The following TRAPPC12 variants were observed in gnomAD, a reference collection of about 807,000 sequenced individuals.
TRAPPC12 encodes the protein trafficking protein particle complex subunit 12.
In TRAPPC12, 61 loss-of-function variants were observed where a neutral mutation model predicts 69.2. That is an observed-to-expected ratio of 0.88 (90% CI 0.72 to 1.09). The LOEUF is 1.09. Ranked by LOEUF, TRAPPC12 falls within the 50% of genes least tolerant of loss-of-function variation. The pLI, the probability that TRAPPC12 is intolerant of heterozygous loss-of-function variation, is 0.00. For missense variants in TRAPPC12, 1,101 were observed against 1,016.4 expected (o/e 1.08, Z -1.13); for synonymous variants, 469 against 438.9 (o/e 1.07, Z -0.86).
intron 8 of TRAPPC12, among the ~76,000 whole-genome samples, chr2:3,464,654 C>T (rs976162620): frequency 3.4e-4 from 52 of 152,218 alleles, no homozygotes; most frequent in African/African-American, 3.1e-4. Context: ...TCAATAAATG[C>T]GGCGATCACT....
chr2:3,458,516 G>C (rs1249331774), intron 7 of TRAPPC12: 1 of 916,596 alleles, frequency 1.1e-6, no homozygotes, highest in East Asian at 1.2e-4. Flanking sequence ...CGTGTGTGAG[G>C]TGTGTATGTG....
chr2:3,432,824 C>G (rs987143237), intron 5 of TRAPPC12, among the ~76,000 whole-genome samples: 1 of 152,206 alleles, frequency 6.6e-6, no homozygotes, highest in Admixed American at 6.5e-5. Flanking sequence ...GAGACCTCTC[C>G]TTATCCTGTC....
chr2:3,457,895 A>G, intron 7 of TRAPPC12: 2 of 1,423,198 alleles, frequency 1.4e-6, no homozygotes, highest in Non-Finnish European at 1.8e-6. Flanking sequence ...GTGCAGCCTC[A>G]GACCCGAACC....
At position 3,461,221 on chromosome 2, in the gene TRAPPC12, G is replaced by A. The variant is rs550284194; in HGVS notation, c.1677+885G>A. 1.5e-3 allele frequency among the ~76,000 whole-genome samples: 225 copies of A among 152,282 alleles called. 1 individual carries two copies. The highest frequency in any genetic ancestry group is 3.4e-3 in the Middle Eastern group (1 of 294). ...GAAGTGGCAGCCCTGCTTTATGCAC[G>A]GACCCTGCAGCATCCCCAGAGGTGA... On this transcript the variant is annotated intron_variant, in intron 8 of 11. Coordinates refer to ENST00000324266, the MANE Select transcript of TRAPPC12 (RefSeq NM_016030.6).
Position 3,412,284 on chromosome 2 carries a change from G to A in TRAPPC12, c.1165-9597G>A, listed in dbSNP as rs1009303666. Among the ~76,000 whole-genome samples the A allele has an allele frequency of 2.6e-5, 4 of 152,322 alleles. No homozygotes were observed. The East Asian group carries it at 7.7e-4, about 29-fold the overall frequency. On this transcript the variant is annotated intron_variant, in intron 3 of 11. Transcript: ENST00000324266. ...ACCATTAAGATCAGGTTTGAGGCTG[G>A]ACATGGTGGCTCACACCTTTAATCC...
At chr2:3,439,535 A>G (rs556304975) in intron 5 of TRAPPC12, among the ~76,000 whole-genome samples, 15 of 152,200 alleles carry the variant, frequency 9.9e-5, no homozygotes, top group African/African-American at 3.1e-4. Context: ...ATCAGCCACC[A>G]TACCTGGCCT....
At chr2:3,387,284 A>G (rs1660536694) in intron 1 of TRAPPC12, among the ~76,000 whole-genome samples, 1 of 152,190 alleles carries the variant, frequency 6.6e-6, no homozygotes, top group Non-Finnish European at 1.5e-5. Context: ...TCACAGGAAG[A>G]CAGTTATCGG....
rs935110666 is a variant in TRAPPC12 at position 3,387,751 on chromosome 2, T to A, written c.128T>A (p.Phe43Tyr). Residue 43 changes from phenylalanine (F) to tyrosine (Y), a missense_variant, in exon 2 of 12, where the codon TTT (phenylalanine) becomes TAT (tyrosine). Coordinates refer to ENST00000324266, the MANE Select transcript of TRAPPC12 (RefSeq NM_016030.6). ...ACCATCGATCTTGGCGGAGATGAGT[T>A]TGGATCCGAAGAGAACGAGACCGCA... ...EETIDLGGDE[F>Y]GSEENETASE... The A allele has an allele frequency of 6.2e-7, 1 of 1,611,686 alleles. No individual in the cohort carries two copies. The highest frequency in any genetic ancestry group is 1.7e-5 in the Admixed American group (1 of 59,870).
Position 3,478,898 on chromosome 2 carries a change from A to G in TRAPPC12, c.1930A>G (p.Thr644Ala). The stretch of plus-strand genomic sequence containing the variant: ...CTTTGCAGAAGCCCACAGGTTCTTC[A>G]CAGAGATCTTAAGGATGGATCCAAG... ...NNFAEAHRFF[T>A]EILRMDPRNA... The change falls in exon 11 of 12, where the codon ACA becomes GCA. Residue 644 changes from threonine to alanine, a missense_variant. Coordinates refer to ENST00000324266, the MANE Select transcript of TRAPPC12 (RefSeq NM_016030.6). The G allele has an allele frequency of 6.2e-7, 1 of 1,614,164 alleles. No homozygotes were observed. The highest frequency in any genetic ancestry group is 8.5e-7 in the Non-Finnish European group (1 of 1,180,038).
At chr2:3,391,928 C>A (rs1660847893) in intron 2 of TRAPPC12, among the ~76,000 whole-genome samples, 2 of 152,150 alleles carry the variant, frequency 1.3e-5, no homozygotes, top group South Asian at 4.1e-4. Flanking sequence ...TGTTGCTTGC[C>A]TTGCCGTTTG....
intron 2 of TRAPPC12, among the ~76,000 whole-genome samples, chr2:3,389,510 G>C (rs1157824154): frequency 6.6e-6 from 1 of 152,254 alleles, no homozygotes; most frequent in Admixed American, 6.5e-5. Context: ...GGCGCCCGAA[G>C]AGCAACAACC....
intron 9 of TRAPPC12, among the ~76,000 whole-genome samples, chr2:3,476,888 G>T (rs189127293): frequency 6.6e-6 from 1 of 152,220 alleles, no homozygotes; most frequent in Non-Finnish European, 1.5e-5. Context: ...TCTGGCTCCC[G>T]CAGGCTGTGC....
intron 9 of TRAPPC12, among the ~76,000 whole-genome samples, chr2:3,473,785 G>C (rs1292041272): frequency 6.6e-6 from 1 of 152,234 alleles, no homozygotes; most frequent in Non-Finnish European, 1.5e-5. Flanking sequence ...TGAGTTTTCT[G>C]TATCAATTGC....
Position 3,389,532 on chromosome 2 carries a change from G to C in TRAPPC12, c.1047+862G>C, listed in dbSNP as rs373345844. Among the ~76,000 whole-genome samples the C allele has an allele frequency of 5.9e-5, 9 of 152,382 alleles. No homozygotes were observed. The East Asian group carries it at 1.3e-3, about 23-fold the overall frequency. On this transcript the variant is annotated intron_variant, in intron 2 of 11. Transcript: ENST00000324266. ...GAAGAGCAACAACCGCGACCCCGAA[G>C]CCCGAGAGGGGATGTTACAGCGTGC... is the stretch of plus-strand genomic sequence containing the variant.
chr2:3,428,529 C>G (rs1663246114), intron 5 of TRAPPC12, among the ~76,000 whole-genome samples: 1 of 151,908 alleles, frequency 6.6e-6, no homozygotes, highest in Non-Finnish European at 1.5e-5. Context: ...TAATTTTTGC[C>G]CATTCAGAAT....
rs141173173 is a variant in TRAPPC12 at position 3,399,493 on chromosome 2, C to G, written c.1048-2284C>G. Among the ~76,000 whole-genome samples, 469 of 152,316 alleles carry G rather than the reference C, an allele frequency of 3.1e-3. 4 individuals are homozygous for G. Among genetic ancestry groups the G allele is most frequent in the African/African-American group, 0.011 (440 of 41,562 alleles). On this transcript the variant is annotated intron_variant, in intron 2 of 11. Coordinates refer to ENST00000324266, the MANE Select transcript of TRAPPC12 (RefSeq NM_016030.6). ...TGCTCTGAAAGCAGAAATTATACAACTGCTGCCCCTAGGTCTTTTCCTCAA... is the reference window on the plus strand; with the variant it reads ...TGCTCTGAAAGCAGAAATTATACAAGTGCTGCCCCTAGGTCTTTTCCTCAA...
At chr2:3,461,437 C>T (rs1665493944) in intron 8 of TRAPPC12, among the ~76,000 whole-genome samples, 1 of 152,364 alleles carries the variant, frequency 6.6e-6, no homozygotes. Flanking sequence ...GGAGACTCGG[C>T]GTCCTGTTCA....
At chr2:3,426,765 C>T (rs1251833971) in intron 5 of TRAPPC12, among the ~76,000 whole-genome samples, 1 of 152,216 alleles carries the variant, frequency 6.6e-6, no homozygotes, top group Non-Finnish European at 1.5e-5. Context: ...TTTATCCATC[C>T]TCTCTCCCCC....
In TRAPPC12 at chr2:3,445,752, A is replaced by T. The variant is rs1269733314; in HGVS notation, c.1530+1861A>T. Reference sequence around the variant, plus strand: ...ATCACTTGCCTGGCTTCATCACTATAACATGTCCCGTTTGAAGACAGAAGG... The same window carrying T: ...ATCACTTGCCTGGCTTCATCACTATTACATGTCCCGTTTGAAGACAGAAGG... On this transcript the variant is annotated intron_variant, in intron 6 of 11. Coordinates refer to ENST00000324266, the MANE Select transcript of TRAPPC12 (RefSeq NM_016030.6). Among the ~76,000 whole-genome samples, 13 of 152,316 alleles carry T rather than the reference A, an allele frequency of 8.5e-5. No homozygotes were observed. The East Asian group carries it at 2.3e-3, about 27-fold the overall frequency.
Sources: allele counts gnomAD v4.1 joint callset (sites outside exome capture counted in the v4.1 genomes callset), GRCh38; gene constraint gnomAD v4.1.1; transcripts MANE v1.5; gene names NCBI Gene and HGNC (gene_info 2026-07-23, HGNC 2026-07-21).